The following IQSEC3 variants were observed in gnomAD, a reference collection of about 807,000 sequenced individuals.
IQSEC3 encodes IQ motif and SEC7 domain-containing protein 3.
IQSEC3 carries 50 observed loss-of-function variants against 105.4 expected under a neutral mutation model. The observed-to-expected ratio is 0.47, with a 90% CI of 0.38 to 0.60. The LOEUF (loss-of-function observed/expected upper bound fraction) is 0.60. Among genes scored for constraint, IQSEC3 ranks in the 20% least tolerant of loss-of-function variants. IQSEC3 has a pLI of 0.00. For synonymous variants in IQSEC3, 708 were observed against 746.0 expected, an observed-to-expected ratio of 0.95 and a Z score of 0.83; for missense variants, 1,415 against 1,630.0, an observed-to-expected ratio of 0.87 and a Z score of 2.27.
intron 8 of IQSEC3, among the ~76,000 whole-genome samples, chr12:163,253 G>A (rs1555096922): frequency 1.1e-3 from 44 of 38,360 alleles, no homozygotes; most frequent in Middle Eastern, 0.067. Flanking sequence ...TCCCTCCACA[G>A]AACCGGACCC....
chr12:116,892 T>A lies in IQSEC3; in HGVS notation c.624-8741T>A, dbSNP rs530021314. Among the ~76,000 whole-genome samples, 12 of 152,344 alleles carry A rather than the reference T, an allele frequency of 7.9e-5. No individual in the cohort carries two copies. In the South Asian group the frequency reaches 2.5e-3, roughly 32 times the overall value. Reference sequence around the variant, plus strand: ...ACCGACACAAATTCAGGACAGGGATTCTTCTGAGGAGGGGAGAGGAATACA... The same window carrying A: ...ACCGACACAAATTCAGGACAGGGATACTTCTGAGGAGGGGAGAGGAATACA... On this transcript the variant is annotated intron_variant, in intron 2 of 13. Coordinates refer to ENST00000538872, the MANE Select transcript of IQSEC3 (RefSeq NM_001170738.2).
chr12:83,173 G>A (rs1235994711), intron 1 of IQSEC3, among the ~76,000 whole-genome samples: 4 of 152,206 alleles, frequency 2.6e-5, no homozygotes, highest in African/African-American at 4.8e-5. Flanking sequence ...GCAGCTGAGC[G>A]TGGCATTGTC....
chr12:118,174 T>A (rs1865109045), intron 2 of IQSEC3, among the ~76,000 whole-genome samples: 1 of 152,160 alleles, frequency 6.6e-6, no homozygotes, highest in Admixed American at 6.5e-5. Context: ...TCCTGACTCC[T>A]GGCCCAGTGC....
chr12:108,790 C>T (rs964136878), intron 2 of IQSEC3, among the ~76,000 whole-genome samples: 9 of 152,270 alleles, frequency 5.9e-5, no homozygotes, highest in African/African-American at 2.2e-4. Context: ...AGCTGCCAGC[C>T]TGTGGTGCCT....
At chr12:117,650 G>A (rs944722697) in intron 2 of IQSEC3, among the ~76,000 whole-genome samples, 3 of 152,204 alleles carry the variant, frequency 2.0e-5, no homozygotes, top group Non-Finnish European at 4.4e-5. Flanking sequence ...GCGACCCTTT[G>A]ACAGGAACAC....
At chr12:79,385 T>G (rs1381132638) in intron 1 of IQSEC3, among the ~76,000 whole-genome samples, 1 of 152,170 alleles carries the variant, frequency 6.6e-6, no homozygotes, top group African/African-American at 2.4e-5. Context: ...TACAGGTGGC[T>G]TTTAACATAC....
intron 4 of IQSEC3, chr12:139,698 G>A (rs902947214): frequency 9.2e-6 from 2 of 216,730 alleles, no homozygotes; most frequent in Admixed American, 5.8e-5. Flanking sequence ...AGTCCAGGCC[G>A]TTTGAGGATT....
chr12:149,879 G>A (rs1866436896), intron 5 of IQSEC3, among the ~76,000 whole-genome samples: 1 of 152,148 alleles, frequency 6.6e-6, no homozygotes, highest in Admixed American at 6.5e-5. Flanking sequence ...GAGAGAAGCT[G>A]GAAGCAGACA....
chr12:122,835 A>G (rs1865263656), intron 2 of IQSEC3, among the ~76,000 whole-genome samples: 1 of 152,232 alleles, frequency 6.6e-6, no homozygotes. Flanking sequence ...GGCTGGTATT[A>G]AAGGTGTCTG....
chr12:165,912 G>A, intron 11 of IQSEC3, 22 bp downstream of exon 11: 1 of 1,606,876 alleles, frequency 6.2e-7, no homozygotes, highest in Non-Finnish European at 8.5e-7. Flanking sequence ...GGCTCCCGAG[G>A]CAGCTGGTGG....
At chr12:133,985 C>CCAGCGG (rs1308079587) in intron 3 of IQSEC3, among the ~76,000 whole-genome samples, 1 of 152,216 alleles carries the variant, frequency 6.6e-6, no homozygotes, top group East Asian at 1.9e-4. Context: ...GGCTAGTGCC[C>CCAGCGG]CAGCGGCAGC....
chr12:104,980 C>T (rs983645718), intron 2 of IQSEC3, among the ~76,000 whole-genome samples: 1 of 152,270 alleles, frequency 6.6e-6, no homozygotes, highest in Non-Finnish European at 1.5e-5. Context: ...CTCCGGGAGT[C>T]GCATCCAGGC....
chr12:109,572 C>T (rs1171925793), intron 2 of IQSEC3, among the ~76,000 whole-genome samples: 1 of 152,016 alleles, frequency 6.6e-6, no homozygotes, highest in Non-Finnish European at 1.5e-5. Context: ...CCCACTATTC[C>T]TCAGGCAGCC....
intron 2 of IQSEC3, among the ~76,000 whole-genome samples, chr12:104,864 T>C (rs1864590432): frequency 6.6e-6 from 1 of 152,238 alleles, no homozygotes. Context: ...ACATGAGCAA[T>C]GGACCAGCCA....
chr12:128,368 C>T (rs1249405300), intron 3 of IQSEC3, among the ~76,000 whole-genome samples: 1 of 152,160 alleles, frequency 6.6e-6, no homozygotes, highest in Non-Finnish European at 1.5e-5. Context: ...GGGAAATGAT[C>T]ACTTAGTGAC....
chr12:110,423 G>A (rs370794529), intron 2 of IQSEC3, among the ~76,000 whole-genome samples: 1 of 151,430 alleles, frequency 6.6e-6, no homozygotes. Context: ...TCTTTTTATT[G>A]TTGGATCTCG....
At position 138,241 on chromosome 12, in the gene IQSEC3, C is replaced by T. The variant is rs1331491016; in HGVS notation, c.904-26C>T. On this transcript the variant is annotated intron_variant, in intron 3 of 13. Coordinates refer to ENST00000538872, the MANE Select transcript of IQSEC3 (RefSeq NM_001170738.2). This position sits in a 1 kb window ranked among gnomAD's most constrained non-coding sequence, Gnocchi z 7.1. ...GACCACCCTTCCCCTCTGAGCCCTT[C>T]CTCCTCTCTGTCCTCGTCCTTGCAG... The T allele has an allele frequency of 6.3e-7, 1 of 1,581,506 alleles. No homozygotes were observed. Among genetic ancestry groups the T allele is most frequent in the Non-Finnish European group, 8.6e-7 (1 of 1,158,746 alleles).
chr12:141,909 G>A (rs537523784), intron 5 of IQSEC3: 4 of 152,322 alleles, frequency 2.6e-5, no homozygotes, highest in Non-Finnish European at 5.9e-5. Context: ...GCTCAGCCTT[G>A]ATAGTGTGGA....
At chr12:71,579 C>A (rs1278571151) in intron 1 of IQSEC3, among the ~76,000 whole-genome samples, 5 of 152,266 alleles carry the variant, frequency 3.3e-5, no homozygotes, top group Admixed American at 3.3e-4. Context: ...GCAAGGATAG[C>A]TGGAAAGGGA....
Sources: allele counts gnomAD v4.1 joint callset (sites outside exome capture counted in the v4.1 genomes callset), GRCh38; gene constraint gnomAD v4.1.1; non-coding constraint Gnocchi (gnomAD v3.1); transcripts MANE v1.5; gene names NCBI Gene and HGNC (gene_info 2026-07-23, HGNC 2026-07-21).